The following ZNF469 variants were observed in gnomAD, a reference collection of about 807,000 sequenced individuals.
ZNF469 encodes the protein zinc finger protein 469.
In ZNF469, 1 loss-of-function variant was observed where a neutral mutation model predicts 1.0. That is an observed-to-expected ratio of 1.00 (90% CI 0.35 to 4.73). The LOEUF (loss-of-function observed/expected upper bound fraction) is 4.73. Ranked by LOEUF, ZNF469 falls within the 30% of genes most tolerant of loss-of-function variation. ZNF469 has a pLI of 0.16. For synonymous variants in ZNF469, 2,703 were observed against 2,363.4 expected (o/e 1.14, Z -4.17); for missense variants, 6,100 against 5,356.3 (o/e 1.14, Z -4.33).
At chr16:88,338,662 C>T in the ZNF469 span, among the ~76,000 whole-genome samples, 9 of 152,222 alleles carry the variant, frequency 5.9e-5, no homozygotes, top group Non-Finnish European at 8.8e-5. Flanking sequence ...GCTTTACAGA[C>T]AGGGCCTTTG....
Position 88,430,770 on chromosome 16 carries a change from G to A in ZNF469, c.3300G>A (p.Glu1100=), listed in dbSNP as rs760454346. 275 of 1,522,962 alleles carry A rather than the reference G, an allele frequency of 1.8e-4. No individual in the cohort carries two copies. The highest frequency in any genetic ancestry group is 2.4e-4 in the Non-Finnish European group (271 of 1,141,898). The allele number at this position is 1,522,962 out of a possible 1,614,324, so 94.3% of individuals were successfully genotyped here. A position where few individuals can be genotyped will look rare whatever the true frequency, so the allele number is the denominator to read the frequency against. The change falls in exon 3 of 3, where the codon GAG becomes GAA. Residue 1100 remains glutamate (E), a synonymous_variant. Transcript: ENST00000565624. The stretch of plus-strand genomic sequence containing the variant: ...ACGACTTCGCCTCGGAGTCCGAGGA[G>A]GACGAGCAGCCTCCGCCGCGGGGCC... ...REYDFASESE[E]DEQPPPRGPG...
chr16:88,428,744 C>T lies in ZNF469; in HGVS notation c.1274C>T (p.Thr425Ile), dbSNP rs1290865414. 1.3e-6 allele frequency: 2 copies of T among 1,546,542 alleles called. No homozygotes were observed. The highest frequency in any genetic ancestry group is 8.7e-7 in the Non-Finnish European group (1 of 1,146,374). ...GACACCAGCCCGGGGCCTCCGGACA[C>T]CGAGCTGGCCGCCCCAGGGCCCCCA... The part of the protein sequence containing the change: ...GVDTSPGPPD[T>I]ELAAPGPPPA... The change falls in exon 3 of 3, where the codon ACC becomes ATC. Residue 425 changes from threonine to isoleucine, a missense_variant. By Grantham distance (89) the Thr-to-Ile change is moderately conservative (BLOSUM62 -1). Transcript: ENST00000565624.
At chr16:88,317,216 C>A in the ZNF469 span, among the ~76,000 whole-genome samples, 1 of 152,204 alleles carries the variant, frequency 6.6e-6, no homozygotes, top group Non-Finnish European at 1.5e-5. Flanking sequence ...GGAGCCGAAG[C>A]AGTTCCCAAC....
the ZNF469 span, among the ~76,000 whole-genome samples, chr16:88,344,409 T>A: frequency 4.6e-5 from 7 of 152,338 alleles, no homozygotes; most frequent in East Asian, 9.6e-4. Flanking sequence ...CATGCTGTCT[T>A]TGCAACCTTC....
At chr16:88,127,932 A>G in the ZNF469 span, among the ~76,000 whole-genome samples, 1 of 152,044 alleles carries the variant, frequency 6.6e-6, no homozygotes, top group Non-Finnish European at 1.5e-5. Flanking sequence ...TATTCCCAAA[A>G]CGCCTCCCCA....
the ZNF469 span, among the ~76,000 whole-genome samples, chr16:88,219,040 A>G: frequency 6.7e-6 from 1 of 149,012 alleles, no homozygotes; most frequent in Non-Finnish European, 1.5e-5. Flanking sequence ...AGAATAAAAT[A>G]CCTAGGAATC....
At chr16:88,180,496 G>A in the ZNF469 span, among the ~76,000 whole-genome samples, 305 of 152,298 alleles carry the variant, frequency 2.0e-3, 2 homozygotes, top group African/African-American at 7.0e-3. Context: ...TTCTGGCCAG[G>A]CGCGGTGGCT....
chr16:88,236,511 G>A, the ZNF469 span, among the ~76,000 whole-genome samples: 1 of 152,200 alleles, frequency 6.6e-6, no homozygotes, highest in South Asian at 2.1e-4. Flanking sequence ...TGTTTTTCAG[G>A]TTTACTTTGG....
the ZNF469 span, among the ~76,000 whole-genome samples, chr16:88,285,694 C>T: frequency 6.1e-4 from 93 of 152,344 alleles, 1 homozygote; most frequent in South Asian, 3.5e-3. Flanking sequence ...TCCGTGGGGC[C>T]GGTGGAGAGC....
chr16:88,229,743 C>G, the ZNF469 span, among the ~76,000 whole-genome samples: 2,353 of 152,126 alleles, frequency 0.015, 58 homozygotes, highest in African/African-American at 0.054. Context: ...TCATGCAGGA[C>G]CGCAGCTCCC....
chr16:88,323,269 G>A, the ZNF469 span, among the ~76,000 whole-genome samples: 1 of 152,164 alleles, frequency 6.6e-6, no homozygotes. Context: ...CCATGCCCCT[G>A]GGAGGCTGGG....
the ZNF469 span, among the ~76,000 whole-genome samples, chr16:88,166,750 G>A: frequency 4.7e-4 from 68 of 144,414 alleles, no homozygotes; most frequent in Non-Finnish European, 6.3e-4. This position sits in a 1 kb window ranked among gnomAD's most constrained non-coding sequence, Gnocchi z 4.5. Context: ...GGATCAGGGC[G>A]CTCCAGAGAA....
the ZNF469 span, among the ~76,000 whole-genome samples, chr16:88,183,206 C>T: frequency 3.3e-5 from 5 of 152,336 alleles, no homozygotes; most frequent in East Asian, 3.9e-4. Flanking sequence ...CCTGGAGTCG[C>T]GGGCGTTGCT....
At chr16:88,354,933 G>A in the ZNF469 span, among the ~76,000 whole-genome samples, 3 of 152,202 alleles carry the variant, frequency 2.0e-5, no homozygotes, top group Admixed American at 6.5e-5. Flanking sequence ...TCTCCAGTGG[G>A]GGCAGGGGGC....
the ZNF469 span, among the ~76,000 whole-genome samples, chr16:88,237,151 G>GCCCTCC: frequency 3.4e-5 from 3 of 89,400 alleles, no homozygotes; most frequent in Non-Finnish European, 7.5e-5. Flanking sequence ...CTCCTGCCAC[G>GCCCTCC]GACCCTCCCT....
At chr16:88,366,561 T>C in the ZNF469 span, among the ~76,000 whole-genome samples, 52 of 28,652 alleles carry the variant, frequency 1.8e-3, no homozygotes, top group Admixed American at 2.4e-3. Flanking sequence ...TCACCATCAC[T>C]ATCACCTCCA....
At chr16:88,247,290 C>T in the ZNF469 span, among the ~76,000 whole-genome samples, 19 of 129,954 alleles carry the variant, frequency 1.5e-4, no homozygotes, top group Admixed American at 1.0e-3. Flanking sequence ...AATGAGTGAG[C>T]GAGTGAATGA....
At chr16:88,321,280 T>A in the ZNF469 span, among the ~76,000 whole-genome samples, 1 of 152,264 alleles carries the variant, frequency 6.6e-6, no homozygotes, top group Non-Finnish European at 1.5e-5. Flanking sequence ...CAGGAGCTGA[T>A]GCTGCAGCCT....
the ZNF469 span, among the ~76,000 whole-genome samples, chr16:88,301,514 G>A: frequency 6.6e-6 from 1 of 152,236 alleles, no homozygotes; most frequent in African/African-American, 2.4e-5. Context: ...TCAGTGAACA[G>A]TGGGATGCAG....
Sources: allele counts gnomAD v4.1 joint callset (sites outside exome capture counted in the v4.1 genomes callset), GRCh38; gene constraint gnomAD v4.1.1; non-coding constraint Gnocchi (gnomAD v3.1); transcripts MANE v1.5; gene names NCBI Gene and HGNC (gene_info 2026-07-23, HGNC 2026-07-21).